CRB1: variants seen among roughly 807,000 people sequenced by gnomAD.
CRB1 encodes crumbs cell polarity complex component 1.
In CRB1, 83 loss-of-function variants were observed where a neutral mutation model predicts 120.0. That is an observed-to-expected ratio of 0.69 (90% CI 0.58 to 0.83). CRB1 has a LOEUF of 0.83. Ranked by LOEUF, CRB1 falls within the 40% of genes least tolerant of loss-of-function variation. The pLI is 0.00. For missense variants in CRB1, 1,699 were observed against 1,687.6 expected (o/e 1.01, Z -0.12); for synonymous variants, 625 against 612.5 (o/e 1.02, Z -0.30).
At chr1:197,390,078 G>T (rs936594677) in intron 5 of CRB1, among the ~76,000 whole-genome samples, 4 of 149,300 alleles carry the variant, frequency 2.7e-5, no homozygotes, top group African/African-American at 7.4e-5. Flanking sequence ...AGGGGAACAG[G>T]AGACACTGTA....
intron 4 of CRB1, among the ~76,000 whole-genome samples, chr1:197,353,571 C>T (rs888686212): frequency 1.3e-5 from 2 of 152,024 alleles, no homozygotes; most frequent in African/African-American, 2.4e-5. Context: ...GAGGCCGAGG[C>T]GCGTGGATCA....
chr1:197,316,241 G>C (rs1278162288), intron 1 of CRB1, among the ~76,000 whole-genome samples: 1 of 151,410 alleles, frequency 6.6e-6, no homozygotes, highest in Non-Finnish European at 1.5e-5. Flanking sequence ...CCGGACTGCC[G>C]TGGCATGATC....
intron 11 of CRB1, among the ~76,000 whole-genome samples, chr1:197,448,806 A>G (rs1665823224): frequency 1.3e-5 from 2 of 152,214 alleles, no homozygotes; most frequent in South Asian, 2.1e-4. Context: ...TTATCTATGC[A>G]TGTACACACA....
intron 5 of CRB1, among the ~76,000 whole-genome samples, chr1:197,375,593 A>T (rs974290581): frequency 6.6e-6 from 1 of 152,096 alleles, no homozygotes; most frequent in Non-Finnish European, 1.5e-5. Flanking sequence ...CTACCTATCT[A>T]TCTGTCACTC....
intron 1 of CRB1, among the ~76,000 whole-genome samples, chr1:197,305,136 T>G (rs1405990381): frequency 6.6e-6 from 1 of 152,188 alleles, no homozygotes; most frequent in African/African-American, 2.4e-5. Context: ...TATCTAAGTT[T>G]GCTGTGTGCT....
At chr1:197,469,242 C>A (rs1035014817) in intron 11 of CRB1, among the ~76,000 whole-genome samples, 2 of 152,112 alleles carry the variant, frequency 1.3e-5, no homozygotes, top group East Asian at 1.9e-4. Context: ...TAAATAAAAT[C>A]AAAATTGGCA....
chr1:197,245,782 C>T, the CRB1 span, among the ~76,000 whole-genome samples: 1 of 152,104 alleles, frequency 6.6e-6, no homozygotes, highest in Admixed American at 6.6e-5. Flanking sequence ...TTCCTTGCTA[C>T]TGGCAGGTCA....
chr1:197,259,983 T>TA, the CRB1 span, among the ~76,000 whole-genome samples: 4,903 of 131,140 alleles, frequency 0.037, 125 homozygotes, highest in East Asian at 0.11. Context: ...GCCCCATGTC[T>TA]AAAAAAAAAA....
At chr1:197,323,188 A>G (rs1658303094) in intron 1 of CRB1, among the ~76,000 whole-genome samples, 1 of 152,148 alleles carries the variant, frequency 6.6e-6, no homozygotes, top group Non-Finnish European at 1.5e-5. Context: ...GGCTGTTTTC[A>G]TTTATTTTAC....
At chr1:197,422,131 T>G (rs139542243) in intron 6 of CRB1, among the ~76,000 whole-genome samples, 175 bp downstream of exon 6, 1 of 152,330 alleles carries the variant, frequency 6.6e-6, no homozygotes, top group East Asian at 1.9e-4. Context: ...GTGCGTTAAT[T>G]AATTTTGAGT....
At chr1:197,356,588 C>T (rs1179258607) in intron 4 of CRB1, among the ~76,000 whole-genome samples, 1 of 152,060 alleles carries the variant, frequency 6.6e-6, no homozygotes, top group Admixed American at 6.5e-5. Context: ...AATTTTATTT[C>T]AAGTCTTATT....
intron 11 of CRB1, among the ~76,000 whole-genome samples, chr1:197,464,460 G>A (rs184596312): frequency 7.9e-5 from 12 of 152,072 alleles, no homozygotes; most frequent in Admixed American, 5.9e-4. Flanking sequence ...AAAAGTTATA[G>A]ACCCAAGGGA....
At chr1:197,379,593 C>T (rs1661832607) in intron 5 of CRB1, among the ~76,000 whole-genome samples, 1 of 144,556 alleles carries the variant, frequency 6.9e-6, no homozygotes, top group Non-Finnish European at 1.5e-5. Context: ...AGCCACCAAG[C>T]CCGGCCCCGG....
At chr1:197,244,268 A>G in the CRB1 span, among the ~76,000 whole-genome samples, 1 of 152,074 alleles carries the variant, frequency 6.6e-6, no homozygotes, top group Non-Finnish European at 1.5e-5. Context: ...TCTTCAAAGT[A>G]TGGATGGTCT....
chr1:197,279,068 T>C (rs566031140), intron 1 of CRB1, among the ~76,000 whole-genome samples: 1 of 151,968 alleles, frequency 6.6e-6, no homozygotes, highest in South Asian at 2.1e-4. Flanking sequence ...GAAAATATAA[T>C]CAAGCTTGCT....
chr1:197,457,106 T>G (rs12408376), intron 11 of CRB1, among the ~76,000 whole-genome samples: 68 of 152,226 alleles, frequency 4.5e-4, no homozygotes, highest in Admixed American at 4.3e-3. Flanking sequence ...TCAAATACAT[T>G]TGTTCTCATA....
In CRB1 at chr1:197,435,227, G is replaced by A. The variant is rs1392028577; in HGVS notation, c.3364G>A (p.Glu1122Lys). Residue 1122 changes from glutamate (E) to lysine (K), a missense_variant, in exon 9 of 12, where the codon GAA becomes AAA. Glu to Lys is a moderately conservative substitution (Grantham distance 56). Transcript: ENST00000367400. The stretch of plus-strand genomic sequence containing the variant: ...TCATGGTTTCATTAATAAACCTCAG[G>A]AAGAGCAATTTCTCAAAATCTCTAC... The part of the protein sequence containing the change: ...NVHGFINKPQ[E>K]EQFLKISTNS... 2 of 1,613,848 alleles carry A rather than the reference G, an allele frequency of 1.2e-6. No individual in the cohort carries two copies. The highest frequency in any genetic ancestry group is 1.7e-6 in the Non-Finnish European group (2 of 1,179,846).
At chr1:197,218,813 GA>G in the CRB1 span, among the ~76,000 whole-genome samples, 21 of 152,194 alleles carry the variant, frequency 1.4e-4, no homozygotes, top group Non-Finnish European at 2.8e-4. Flanking sequence ...TGTGTAGTAG[GA>G]AACACCTATT....
At chr1:197,228,425 C>G in the CRB1 span, among the ~76,000 whole-genome samples, 1 of 152,200 alleles carries the variant, frequency 6.6e-6, no homozygotes, top group Admixed American at 6.5e-5. Context: ...CCACAAATCT[C>G]TAGGGCGGGG....
Sources: gnomAD v4.1 joint callset for allele counts (sites outside exome capture counted in the v4.1 genomes callset) on GRCh38, gnomAD v4.1.1 for gene constraint, MANE v1.5 for transcripts, NCBI Gene and HGNC (gene_info 2026-07-23, HGNC 2026-07-21) for gene names.